The following NTNG1 variants were observed in gnomAD, a reference collection of about 807,000 sequenced individuals.
NTNG1 encodes the protein netrin G1, also known as netrin-G1.
Under a neutral mutation model 54.0 loss-of-function variants are expected in NTNG1, and 16 were observed. That is an observed-to-expected ratio of 0.30 (90% confidence interval 0.20 to 0.45). The LOEUF is 0.45. Among genes scored for constraint, NTNG1 ranks in the 20% least tolerant of loss-of-function variants. The pLI is 1.00. For synonymous variants in NTNG1, 255 were observed against 263.1 expected, an observed-to-expected ratio of 0.97 and a Z score of 0.30; for missense variants, 530 against 678.7, an observed-to-expected ratio of 0.78 and a Z score of 2.43.
chr1:107,395,096 C>T (rs1466585379), intron 3 of NTNG1, 58 bp from the exon 4 acceptor site: 1 of 1,393,604 alleles, frequency 7.2e-7, no homozygotes, highest in Non-Finnish European at 1.0e-6. Context: ...AGGGAAGCCT[C>T]AGTGGTCACC....
chr1:107,348,899 A>G (rs563989722), intron 3 of NTNG1, among the ~76,000 whole-genome samples: 2 of 152,260 alleles, frequency 1.3e-5, no homozygotes, highest in South Asian at 2.1e-4. Context: ...TCCACTCTAC[A>G]GTCAAAGTTC....
intron 7 of NTNG1, among the ~76,000 whole-genome samples, chr1:107,441,506 G>A (rs1239496364): frequency 6.6e-6 from 1 of 152,118 alleles, no homozygotes. Context: ...AAAAAGCAAA[G>A]TACACATAGC....
intron 4 of NTNG1, among the ~76,000 whole-genome samples, chr1:107,402,168 C>T (rs1673081543): frequency 2.0e-5 from 3 of 152,140 alleles, no homozygotes. Flanking sequence ...AGTGTATTAT[C>T]TTTCCTGTAA....
chr1:107,458,348 T>C (rs1677077365), intron 7 of NTNG1, among the ~76,000 whole-genome samples: 1 of 152,164 alleles, frequency 6.6e-6, no homozygotes, highest in Non-Finnish European at 1.5e-5. Context: ...TCTCTATCCA[T>C]TAAATTTAGC....
intron 4 of NTNG1, among the ~76,000 whole-genome samples, chr1:107,399,583 A>G (rs1026400014): frequency 6.6e-5 from 10 of 152,096 alleles, no homozygotes; most frequent in African/African-American, 2.4e-4. Flanking sequence ...TATCCAGACA[A>G]TTTCCTAAGT....
chr1:107,189,138 G>A (rs1657697393), intron 2 of NTNG1, among the ~76,000 whole-genome samples: 2 of 151,908 alleles, frequency 1.3e-5, no homozygotes, highest in African/African-American at 4.8e-5. Context: ...TATCCCTTGA[G>A]GCCAGGAGTT....
intron 3 of NTNG1, among the ~76,000 whole-genome samples, chr1:107,390,698 G>A (rs1672306551): frequency 6.6e-6 from 1 of 152,104 alleles, no homozygotes; most frequent in South Asian, 2.1e-4. Context: ...TGACATTCCT[G>A]CTTTCAGGAA....
intron 2 of NTNG1, among the ~76,000 whole-genome samples, chr1:107,311,815 A>T (rs1667033361): frequency 6.6e-6 from 1 of 152,174 alleles, no homozygotes; most frequent in South Asian, 2.1e-4. Flanking sequence ...AAAAAATCAC[A>T]ATTTTATATG....
intron 2 of NTNG1, among the ~76,000 whole-genome samples, chr1:107,281,799 A>G (rs1386068259): frequency 6.6e-6 from 1 of 152,182 alleles, no homozygotes; most frequent in African/African-American, 2.4e-5. Context: ...ATGTAAATCA[A>G]CTAAGTTACT....
At chr1:107,428,474 A>G (rs1570940348) in intron 5 of NTNG1, among the ~76,000 whole-genome samples, 1 of 152,120 alleles carries the variant, frequency 6.6e-6, no homozygotes, top group East Asian at 1.9e-4. Flanking sequence ...TGCACATAAA[A>G]GATGCTTTTG....
At chr1:107,366,808 A>G (rs1570777069) in intron 3 of NTNG1, among the ~76,000 whole-genome samples, 2 of 152,202 alleles carry the variant, frequency 1.3e-5, no homozygotes, top group East Asian at 3.9e-4. Flanking sequence ...AATACTTCTA[A>G]AATATCCATT....
At chr1:107,320,982 C>T (rs1667626560) in intron 2 of NTNG1, among the ~76,000 whole-genome samples, 1 of 152,032 alleles carries the variant, frequency 6.6e-6, no homozygotes, top group Non-Finnish European at 1.5e-5. Context: ...AAGGACGAAA[C>T]TGTCATTCTG....
chr1:107,176,635 T>C (rs1332110663), intron 2 of NTNG1, among the ~76,000 whole-genome samples: 5 of 152,206 alleles, frequency 3.3e-5, no homozygotes, highest in Non-Finnish European at 7.3e-5. Context: ...TGCAATGCTA[T>C]ATTATGTTAG....
Position 107,148,452 on chromosome 1 carries a change from T to C in NTNG1, c.-142T>C, listed in dbSNP as rs1654300472. ...TTTTGGGATCTGCTTTGAGGTCCCATCTTCATTTAAAAAAAAATACAGAGA... is the reference window on the plus strand; with the variant it reads ...TTTTGGGATCTGCTTTGAGGTCCCACCTTCATTTAAAAAAAAATACAGAGA... On this transcript the variant is annotated 5_prime_UTR_variant, in exon 2 of 8. Coordinates refer to ENST00000370068, the MANE Select transcript of NTNG1 (RefSeq NM_001113226.3). 1 of 740,620 alleles carries C rather than the reference T, an allele frequency of 1.4e-6. No individual in the cohort carries two copies. The highest frequency in any genetic ancestry group is 1.8e-5 in the African/African-American group (1 of 56,652). The allele number at this position is 740,620 out of a possible 1,614,324, so 45.9% of individuals were successfully genotyped here.
intron 3 of NTNG1, among the ~76,000 whole-genome samples, chr1:107,376,328 A>T (rs1389884634): frequency 6.6e-6 from 1 of 152,052 alleles, no homozygotes; most frequent in Non-Finnish European, 1.5e-5. Context: ...GAATGGCGTG[A>T]ACCCGGGAGG....
intron 3 of NTNG1, among the ~76,000 whole-genome samples, chr1:107,374,426 A>T (rs181572920): frequency 2.2e-4 from 33 of 151,950 alleles, no homozygotes; most frequent in Admixed American, 8.5e-4. Flanking sequence ...ATTTTTAAAA[A>T]TTTTTTTTAT....
intron 2 of NTNG1, among the ~76,000 whole-genome samples, chr1:107,258,619 C>G (rs1405803864): frequency 6.6e-6 from 1 of 152,100 alleles, no homozygotes; most frequent in South Asian, 2.1e-4. Context: ...CCTGATTTTC[C>G]AAATGAGAAA....
chr1:107,253,009 T>C (rs778065690), intron 2 of NTNG1, among the ~76,000 whole-genome samples: 28 of 152,082 alleles, frequency 1.8e-4, no homozygotes, highest in Non-Finnish European at 3.4e-4. Flanking sequence ...ATGCCTGCTT[T>C]CTTTACTCTC....
Position 107,392,163 on chromosome 1 carries a change from C to T in NTNG1, c.888-2991C>T, listed in dbSNP as rs1432833528. Among the ~76,000 whole-genome samples the T allele has an allele frequency of 3.9e-5, 6 of 152,212 alleles. No homozygotes were observed. In the East Asian group the frequency reaches 9.7e-4, roughly 25 times the overall value. ...GGGAGAGAGATCTGAGATGGAGATA[C>T]AGAGCCCAGACTTACCAGCATTTTG... On this transcript the variant is annotated intron_variant, in intron 3 of 7. Coordinates refer to ENST00000370068, the MANE Select transcript of NTNG1 (RefSeq NM_001113226.3).
Sources: allele counts gnomAD v4.1 joint callset (sites outside exome capture counted in the v4.1 genomes callset), GRCh38; gene constraint gnomAD v4.1.1; transcripts MANE v1.5; gene names NCBI Gene and HGNC (gene_info 2026-07-23, HGNC 2026-07-21).